STEAP1B: variants seen among roughly 807,000 people sequenced by gnomAD.
The protein encoded by STEAP1B is STEAP family member 1B.
In STEAP1B, 13 loss-of-function variants were observed where a neutral mutation model predicts 27.9. The ratio of observed to expected loss-of-function variants is 0.47; its 90% CI spans 0.30 to 0.74. The LOEUF (loss-of-function observed/expected upper bound fraction) is 0.74. Ranked by LOEUF, STEAP1B falls within the 30% of genes least tolerant of loss-of-function variation. The pLI, the probability that STEAP1B is intolerant of heterozygous loss-of-function variation, is 0.06. For missense variants in STEAP1B, 250 were observed against 298.7 expected, an observed-to-expected ratio of 0.84 and a Z score of 1.20; for synonymous variants, 86 against 107.1, an observed-to-expected ratio of 0.80 and a Z score of 1.22.
intron 4 of STEAP1B, among the ~76,000 whole-genome samples, chr7:22,465,641 C>T (rs1261883628): frequency 1.3e-5 from 2 of 152,140 alleles, no homozygotes; most frequent in African/African-American, 2.4e-5. Context: ...CGCCCAACCC[C>T]TATTAACCTC....
chr7:22,469,885 A>G (rs1265418190), intron 4 of STEAP1B, among the ~76,000 whole-genome samples: 1 of 152,244 alleles, frequency 6.6e-6, no homozygotes, highest in Non-Finnish European at 1.5e-5. Context: ...TGGAAAGGAG[A>G]AAAGCTAGAA....
chr7:22,479,586 A>G (rs1282124142), intron 4 of STEAP1B, among the ~76,000 whole-genome samples: 2 of 151,532 alleles, frequency 1.3e-5, no homozygotes, highest in Non-Finnish European at 2.9e-5. Context: ...AGTTGCCCAC[A>G]TACTAACTGT....
At chr7:22,487,085 A>C (rs901314721) in intron 4 of STEAP1B, among the ~76,000 whole-genome samples, 5 of 152,250 alleles carry the variant, frequency 3.3e-5, no homozygotes, top group African/African-American at 7.2e-5. Flanking sequence ...GTAACAAGAA[A>C]CTACCATTTA....
chr7:22,473,913 G>A (rs1785928963), intron 4 of STEAP1B, among the ~76,000 whole-genome samples: 1 of 152,184 alleles, frequency 6.6e-6, no homozygotes, highest in Admixed American at 6.5e-5. Context: ...GCCTGGGACT[G>A]ACTAGTGCCC....
intron 2 of STEAP1B, among the ~76,000 whole-genome samples, chr7:22,494,315 T>G (rs956182323): frequency 6.6e-6 from 1 of 152,050 alleles, no homozygotes. Context: ...AAAAGTAGAT[T>G]TATTTGGTTA....
intron 4 of STEAP1B, among the ~76,000 whole-genome samples, chr7:22,452,425 C>G (rs375713749): frequency 1.1e-4 from 16 of 152,080 alleles, no homozygotes; most frequent in South Asian, 2.1e-4. Flanking sequence ...ACAATCCCCC[C>G]CCTCCCCGCG....
chr7:22,419,596 T>C lies in STEAP1B; in HGVS notation c.*208A>G, dbSNP rs1453201412. On this transcript the variant is annotated 3_prime_UTR_variant, in exon 5 of 5. Transcript: ENST00000678116. ...TCTCAGTGGATTAGCACAACACATATGGACTTTTTGTTTGCTCTCTCATGA... is the reference window on the plus strand; with the variant it reads ...TCTCAGTGGATTAGCACAACACATACGGACTTTTTGTTTGCTCTCTCATGA... The C allele has an allele frequency of 4.3e-6, 2 of 460,968 alleles. No individual in the cohort carries two copies. The highest frequency in any genetic ancestry group is 2.0e-5 in the African/African-American group (1 of 50,474). The allele number at this position is 460,968 out of a possible 1,614,324, so 28.6% of individuals were successfully genotyped here.
At chr7:22,495,752 C>T (rs1446763845) in intron 1 of STEAP1B, among the ~76,000 whole-genome samples, 14 of 151,958 alleles carry the variant, frequency 9.2e-5, no homozygotes, top group African/African-American at 1.9e-4. Context: ...TTTTAGACCA[C>T]GTGTAGTACT....
At chr7:22,473,484 C>A (rs1785920740) in intron 4 of STEAP1B, among the ~76,000 whole-genome samples, 1 of 152,196 alleles carries the variant, frequency 6.6e-6, no homozygotes, top group African/African-American at 2.4e-5. Flanking sequence ...ACCATCCAAC[C>A]TTCTTATACA....
intron 4 of STEAP1B, among the ~76,000 whole-genome samples, chr7:22,472,243 G>C (rs149206698): frequency 1.9e-4 from 29 of 152,268 alleles, no homozygotes; most frequent in African/African-American, 7.0e-4. Context: ...TGCAAATGTG[G>C]TAAGTTGAAA....
intron 4 of STEAP1B, among the ~76,000 whole-genome samples, chr7:22,439,430 GA>G (rs1562568253): frequency 2.0e-5 from 3 of 151,808 alleles, no homozygotes; most frequent in African/African-American, 2.4e-5. Context: ...TTCCAATGAA[GA>G]TTTTTTTTTT....
chr7:22,435,533 G>A (rs1028274685), intron 4 of STEAP1B, among the ~76,000 whole-genome samples: 5 of 152,158 alleles, frequency 3.3e-5, no homozygotes, highest in Non-Finnish European at 5.9e-5. Context: ...AACATTTTCT[G>A]TAGGCTCAGC....
chr7:22,486,144 T>G (rs1786204710), intron 4 of STEAP1B, among the ~76,000 whole-genome samples: 1 of 150,650 alleles, frequency 6.6e-6, no homozygotes, highest in Non-Finnish European at 1.5e-5. Flanking sequence ...ACATCGTTGC[T>G]TTTTGAAGCT....
At chr7:22,458,078 C>T (rs1785617159) in intron 4 of STEAP1B, among the ~76,000 whole-genome samples, 3 of 152,148 alleles carry the variant, frequency 2.0e-5, no homozygotes, top group Admixed American at 1.3e-4. Context: ...CTAAGAACAC[C>T]AGACAATATA....
At chr7:22,490,528 G>A (rs1270851866) in intron 4 of STEAP1B, among the ~76,000 whole-genome samples, 4 of 152,126 alleles carry the variant, frequency 2.6e-5, no homozygotes, top group African/African-American at 9.7e-5. Flanking sequence ...AATTATTTAT[G>A]ACACATTATT....
intron 4 of STEAP1B, among the ~76,000 whole-genome samples, chr7:22,486,223 C>T (rs1343280793): frequency 1.3e-5 from 2 of 152,140 alleles, no homozygotes; most frequent in African/African-American, 4.8e-5. Flanking sequence ...GAGAGAAAGT[C>T]GCTTGCGTTC....
intron 4 of STEAP1B, among the ~76,000 whole-genome samples, chr7:22,491,794 G>C (rs1197554292): frequency 1.3e-5 from 2 of 152,070 alleles, no homozygotes; most frequent in Non-Finnish European, 2.9e-5. Context: ...GACCCATTTA[G>C]GGAAGATTTT....
intron 4 of STEAP1B, among the ~76,000 whole-genome samples, chr7:22,420,681 T>C (rs1420816189): frequency 6.6e-6 from 1 of 152,266 alleles, no homozygotes; most frequent in African/African-American, 2.4e-5. Context: ...ACCTGGATCC[T>C]TGAGGACTTG....
Position 22,493,554 on chromosome 7 carries a change from T to C in STEAP1B, c.367A>G (p.Ile123Val), listed in dbSNP as rs1442819133. ...VINKVLPMVS[I>V]TLLALVYLPG... ...AGGTAAACCAATGCCAAGAGAGTGA[T>C]GGAAACCATTGGCAAGACTTTGTTG... The change falls in exon 3 of 5, where the codon ATC becomes GTC. Residue 123 changes from isoleucine (I) to valine (V), a missense_variant. Ile to Val is a conservative substitution (Grantham distance 29, BLOSUM62 3). Transcript: ENST00000678116. 3.7e-6 allele frequency: 6 copies of C among 1,613,948 alleles called. No homozygotes were observed. The highest frequency in any genetic ancestry group is 5.1e-6 in the Non-Finnish European group (6 of 1,179,856).
Sources: gnomAD v4.1 joint callset for allele counts (sites outside exome capture counted in the v4.1 genomes callset) on GRCh38, gnomAD v4.1.1 for gene constraint, MANE v1.5 for transcripts, NCBI Gene and HGNC (gene_info 2026-07-23, HGNC 2026-07-21) for gene names.